Variants in TNFRSF10D observed in about 807,000 individuals in gnomAD.
TNFRSF10D encodes tumor necrosis factor receptor superfamily member 10D.
Under a neutral mutation model 42.1 loss-of-function variants are expected in TNFRSF10D, and 28 were observed. The ratio of observed to expected loss-of-function variants is 0.66; its 90% CI spans 0.49 to 0.91. TNFRSF10D has a LOEUF of 0.91. Ranked by LOEUF, TNFRSF10D falls within the 40% of genes least tolerant of loss-of-function variation. The probability of loss-of-function intolerance (pLI) is 0.00; values close to 1 mark genes in which losing one functional copy is unlikely to be tolerated. For synonymous variants in TNFRSF10D, 186 were observed against 189.4 expected (o/e 0.98, Z 0.15); for missense variants, 503 against 486.1 (o/e 1.03, Z -0.33).
At position 23,144,529 on chromosome 8, in the gene TNFRSF10D, T is replaced by A. The variant is rs1184627614; in HGVS notation, c.875A>T (p.Glu292Val). Residue 292 changes from glutamate (E) to valine (V), a missense_variant, in exon 7 of 9, where the codon GAG becomes GTG. Transcript: ENST00000312584. ...NRYLQPTQVS[E>V]QEIQGQELAE... ...CAGCTCCTGACCTTGGATTTCCTGC[T>A]CAGAGACCTGGGTGGGCTGCAAGTA... 6.2e-7 allele frequency: 1 copy of A among 1,614,146 alleles called. No homozygotes were observed. The highest frequency in any genetic ancestry group is 2.2e-5 in the East Asian group (1 of 44,882).
At chr8:23,157,671 A>G (rs113935397) in intron 1 of TNFRSF10D, among the ~76,000 whole-genome samples, 941 of 152,194 alleles carry the variant, frequency 6.2e-3, no homozygotes, top group African/African-American at 0.019. Flanking sequence ...CTCTTTTTGC[A>G]TCATGTGTTC....
Position 23,146,990 on chromosome 8 carries a change from G to C in TNFRSF10D, c.453C>G (p.Ser151=). The change falls in exon 4 of 9, where the codon TCC becomes TCG. Residue 151 remains serine (S), a synonymous_variant. Transcript: ENST00000312584. ...TTCTACACGTCCGGCACATCTCAGG[G>C]GAGTTTTTATCCTGGAAGCTTCCTT... ...CEKGSFQDKN[S]PEMCRTCRTG... is the part of the protein sequence containing the mutation. The C allele has an allele frequency of 6.2e-7, 1 of 1,614,168 alleles. No individual in the cohort carries two copies. Among genetic ancestry groups the C allele is most frequent in the Non-Finnish European group, 8.5e-7 (1 of 1,180,006 alleles).
chr8:23,160,106 T>C (rs993621719), intron 1 of TNFRSF10D, among the ~76,000 whole-genome samples: 1 of 152,168 alleles, frequency 6.6e-6, no homozygotes, highest in Non-Finnish European at 1.5e-5. Context: ...GCCTCCCTCA[T>C]GCTACCTCCT....
chr8:23,135,796 T>C lies in TNFRSF10D; in HGVS notation c.*2074A>G. ...TGATAAGGCTGGTAGTCTAGATGCA[T>C]CTTCAAGGAAGGCCTCTGAGGAAGG... On this transcript the variant is annotated 3_prime_UTR_variant, in exon 9 of 9. Transcript: ENST00000312584. 2.3e-6 allele frequency: 1 copy of C among 433,192 alleles called. No individual in the cohort carries two copies. The highest frequency in any genetic ancestry group is 4.6e-6 in the Non-Finnish European group (1 of 216,868). 26.8% of individuals were successfully genotyped at this position (433,192 alleles called of 1,614,324 possible). A position where few individuals can be genotyped will look rare whatever the true frequency, so the allele number is the denominator to read the frequency against.
At chr8:23,157,641 G>T (rs541049530) in intron 1 of TNFRSF10D, among the ~76,000 whole-genome samples, 104 of 152,310 alleles carry the variant, frequency 6.8e-4, no homozygotes, top group Non-Finnish European at 1.4e-3. Flanking sequence ...AGAAACAGCT[G>T]ATTTAATCTC....
At chr8:23,161,412 G>A (rs1417778472) in intron 1 of TNFRSF10D, among the ~76,000 whole-genome samples, 1 of 152,240 alleles carries the variant, frequency 6.6e-6, no homozygotes, top group African/African-American at 2.4e-5. Flanking sequence ...CGCTGACAGA[G>A]CCAGGACCTG....
At chr8:23,141,015 A>AATTAACTC (rs1814457780) in intron 7 of TNFRSF10D, among the ~76,000 whole-genome samples, 1 of 152,200 alleles carries the variant, frequency 6.6e-6, no homozygotes, top group Non-Finnish European at 1.5e-5. Context: ...CATATACACA[A>AATTAACTC]ATTAACTCAA....
intron 2 of TNFRSF10D, among the ~76,000 whole-genome samples, chr8:23,149,060 G>A (rs1004479525): frequency 1.5e-4 from 22 of 150,166 alleles, no homozygotes; most frequent in African/African-American, 4.6e-4. Flanking sequence ...CGTGGTGGCA[G>A]GCACCTGTAA....
rs1437399492 is a variant in TNFRSF10D, at chr8:23,136,999, T to C, written c.*871A>G. On this transcript the variant is annotated 3_prime_UTR_variant, in exon 9 of 9. Transcript: ENST00000312584. Reference sequence around the variant, plus strand: ...TATATTTTTAGTCATTTTTGACTGCTGATTTGTATCCAGGCAACCCATGTA... The same window carrying C: ...TATATTTTTAGTCATTTTTGACTGCCGATTTGTATCCAGGCAACCCATGTA... 6.6e-6 allele frequency: 1 copy of C among 152,190 alleles called. No individual in the cohort carries two copies. Among genetic ancestry groups the C allele is most frequent in the African/African-American group, 2.4e-5 (1 of 41,450 alleles). The allele number at this position is 152,190 out of a possible 1,614,324, so 9.4% of individuals were successfully genotyped here. A position where few individuals can be genotyped will look rare whatever the true frequency, so the allele number is the denominator to read the frequency against.
Position 23,136,048 on chromosome 8 carries a change from C to A in TNFRSF10D, c.*1822G>T, listed in dbSNP as rs576149732. The stretch of plus-strand genomic sequence containing the variant: ...CCATGGACACAACAATCTGAATGTG[C>A]GAACTTCAGGCAGTTCTAACTTTGT... On this transcript the variant is annotated 3_prime_UTR_variant, in exon 9 of 9. Transcript: ENST00000312584. The A allele has an allele frequency of 2.0e-5, 8 of 396,036 alleles. No individual in the cohort carries two copies. The highest frequency in any genetic ancestry group is 2.0e-4 in the Admixed American group (7 of 35,356). The allele number at this position is 396,036 out of a possible 1,614,324, so 24.5% of individuals were successfully genotyped here.
In TNFRSF10D at chr8:23,163,797, C is replaced by A. The variant is rs1800410285; in HGVS notation, c.139G>T (p.Val47Phe). The change falls in exon 1 of 9, where the codon GTT becomes TTT. Residue 47 changes from valine (V) to phenylalanine (F), a missense_variant. Val to Phe is a conservative substitution (Grantham distance 50, BLOSUM62 -1). Coordinates refer to ENST00000312584, the MANE Select transcript of TNFRSF10D (RefSeq NM_003840.5). ...ILKFVVFIVA[V>F]LLPVRVDSAT... ...CGGCGGAGACTCACCGGCAGCAGAA[C>A]CGCGACGATGAAGACGACGAACTTA... 2 of 1,609,588 alleles carry A rather than the reference C, an allele frequency of 1.2e-6. No homozygotes were observed. The highest frequency in any genetic ancestry group is 1.7e-5 in the Admixed American group (1 of 59,408).
chr8:23,135,982 TG>T lies in TNFRSF10D; in HGVS notation c.*1887del, dbSNP rs376286552. ...GACGCCAGATGGAAGTGGGAGAGGATGGAAGTGCGAAGACCGGAAAGGCCAT... is the reference window on the plus strand; with the variant it reads ...GACGCCAGATGGAAGTGGGAGAGGATGAAGTGCGAAGACCGGAAAGGCCAT... On this transcript the variant is annotated 3_prime_UTR_variant, in exon 9 of 9. Transcript: ENST00000312584. 2.1e-4 allele frequency: 95 copies of T among 445,208 alleles called. 1 individual carries two copies. Among genetic ancestry groups the T allele is most frequent in the African/African-American group, 1.7e-3 (86 of 49,926 alleles). 27.6% of individuals were successfully genotyped at this position (445,208 alleles called of 1,614,324 possible).
chr8:23,150,503 G>C (rs192671350), intron 2 of TNFRSF10D, among the ~76,000 whole-genome samples: 50 of 152,342 alleles, frequency 3.3e-4, no homozygotes, highest in African/African-American at 1.2e-3. Flanking sequence ...TGAGCAATCA[G>C]GGAACAGTGA....
intron 2 of TNFRSF10D, among the ~76,000 whole-genome samples, chr8:23,153,916 C>T (rs1260783527): frequency 6.6e-6 from 1 of 152,226 alleles, no homozygotes; most frequent in Admixed American, 6.5e-5. Flanking sequence ...GAGGTATCTT[C>T]CCTCCCATGT....
At chr8:23,157,902 T>G (rs117022038) in intron 1 of TNFRSF10D, among the ~76,000 whole-genome samples, 5 of 152,316 alleles carry the variant, frequency 3.3e-5, no homozygotes, top group Non-Finnish European at 5.9e-5. Flanking sequence ...TAACCGTGTC[T>G]CTAAAGTAAG....
intron 1 of TNFRSF10D, among the ~76,000 whole-genome samples, chr8:23,157,964 C>T (rs184184662): frequency 4.1e-4 from 63 of 152,316 alleles, no homozygotes; most frequent in Non-Finnish European, 6.9e-4. Context: ...ACATAGAAAA[C>T]ACCTGAAACT....
At chr8:23,141,491 C>A (rs551920787) in intron 7 of TNFRSF10D, among the ~76,000 whole-genome samples, 2 of 139,746 alleles carry the variant, frequency 1.4e-5, no homozygotes, top group Middle Eastern at 3.5e-3. Flanking sequence ...GGTGACAGAG[C>A]GAGAGTACAT....
rs368481520 is a variant in TNFRSF10D, at chr8:23,150,934, A to G, written c.257-2383T>C. On this transcript the variant is annotated intron_variant, in intron 2 of 8. Transcript: ENST00000312584. ...ACCAACGGTTACTGTGAAGCAAAAC[A>G]ATATATGCATTATGGTGGTCCAAGG... 8.8e-4 allele frequency among the ~76,000 whole-genome samples: 134 copies of G among 152,324 alleles called. 1 individual carries two copies. Among genetic ancestry groups the G allele is most frequent in the Middle Eastern group, 6.8e-3 (2 of 294 alleles).
chr8:23,163,214 T>C (rs901212323), intron 1 of TNFRSF10D, among the ~76,000 whole-genome samples: 1 of 150,528 alleles, frequency 6.6e-6, no homozygotes, highest in Non-Finnish European at 1.5e-5. Flanking sequence ...ATTCTCCTTC[T>C]GCCTCAGCCT....
Sources: allele counts gnomAD v4.1 joint callset (sites outside exome capture counted in the v4.1 genomes callset), GRCh38; gene constraint gnomAD v4.1.1; transcripts MANE v1.5; gene names NCBI Gene and HGNC (gene_info 2026-07-23, HGNC 2026-07-21).